FAM53A: variants seen among roughly 807,000 people sequenced by gnomAD.
The protein encoded by FAM53A is protein FAM53A.
A neutral mutation model predicts 26.6 loss-of-function variants in FAM53A; 28 were observed. The ratio of observed to expected loss-of-function variants is 1.05; its 90% CI spans 0.78 to 1.45. The LOEUF (loss-of-function observed/expected upper bound fraction) is 1.45, where lower values mean the gene tolerates loss of function less well. Among genes scored for constraint, FAM53A ranks in the 40% most tolerant of loss-of-function variants. The pLI, the probability that FAM53A is intolerant of heterozygous loss-of-function variation, is 0.00. For synonymous variants in FAM53A, 290 were observed against 253.1 expected (o/e 1.15, Z -1.38); for missense variants, 650 against 575.8 (o/e 1.13, Z -1.32).
At chr4:1,608,900 G>C in the FAM53A span, among the ~76,000 whole-genome samples, 1 of 152,144 alleles carries the variant, frequency 6.6e-6, no homozygotes, top group Non-Finnish European at 1.5e-5. Context: ...TTACGGGACG[G>C]AGGGCGCCAG....
intron 1 of FAM53A, among the ~76,000 whole-genome samples, chr4:1,681,523 C>CTTT (rs36047639): frequency 1.4e-5 from 2 of 139,346 alleles, no homozygotes; most frequent in South Asian, 2.4e-4. Flanking sequence ...AAACTCAAAT[C>CTTT]TTTTTTTTTT....
chr4:1,682,314 G>A lies in FAM53A; in HGVS notation c.-165+1919C>T, dbSNP rs551964269. On this transcript the variant is annotated intron_variant, in intron 1 of 4. Transcript: ENST00000308132. ...AGTCTGGCTCTGTCATCACGGTGGC[G>A]TGCAGTGGCGCCATCTTGGCTCACT... Among the ~76,000 whole-genome samples the A allele has an allele frequency of 1.0e-4, 15 of 143,376 alleles. No homozygotes were observed. The East Asian group carries it at 2.0e-3, about 19-fold the overall frequency. 94.1% of individuals were successfully genotyped at this position (143,376 alleles called of 152,430 possible). A position where few individuals can be genotyped will look rare whatever the true frequency, so the allele number is the denominator to read the frequency against.
Position 1,668,885 on chromosome 4 carries a change from C to T in FAM53A, c.-144G>A. On this transcript the variant is annotated 5_prime_UTR_variant, in exon 2 of 5. In the 5' UTR this introduces an upstream ATG that the reference lacks. Transcript: ENST00000308132. Reference sequence around the variant, plus strand: ...TTTACAGATGAGCAGTCCACGCCCACGGGCTCTTCAGGATTTGTGCCTGTT... The same window carrying T: ...TTTACAGATGAGCAGTCCACGCCCATGGGCTCTTCAGGATTTGTGCCTGTT... 10 of 644,620 alleles carry T rather than the reference C, an allele frequency of 1.6e-5. No homozygotes were observed. The highest frequency in any genetic ancestry group is 1.3e-4 in the South Asian group (6 of 47,240). 39.9% of individuals were successfully genotyped at this position (644,620 alleles called of 1,614,324 possible).
At chr4:1,590,392 G>A in the FAM53A span, among the ~76,000 whole-genome samples, 6 of 152,042 alleles carry the variant, frequency 3.9e-5, no homozygotes, top group South Asian at 2.1e-4. Flanking sequence ...AAGAAAGCCC[G>A]GGTGCTCCCT....
the FAM53A span, among the ~76,000 whole-genome samples, chr4:1,611,371 T>A: frequency 9.8e-4 from 149 of 152,242 alleles, no homozygotes; most frequent in African/African-American, 3.5e-3. Context: ...CCCCCCGTCC[T>A]CCTGGCCTGT....
At chr4:1,615,436 G>A (rs1482810081), downstream of FAM53A, among the ~76,000 whole-genome samples, 1 of 137,030 alleles carries the variant, frequency 7.3e-6, no homozygotes, top group Non-Finnish European at 1.5e-5. Context: ...ACAGGATGCG[G>A]CCACACCCAC....
chr4:1,634,219 C>T (rs754494679), intron 1 of FAM53A, among the ~76,000 whole-genome samples: 1 of 152,150 alleles, frequency 6.6e-6, no homozygotes, highest in Non-Finnish European at 1.5e-5. Context: ...TAAGCTGCTT[C>T]GTGCAAACAG....
chr4:1,657,880 C>T (rs868563719), intron 2 of FAM53A, among the ~76,000 whole-genome samples: 7 of 151,954 alleles, frequency 4.6e-5, no homozygotes, highest in Non-Finnish European at 8.8e-5. Flanking sequence ...ACCTCGTGAT[C>T]CGCCCGCCTC....
intron 1 of FAM53A, among the ~76,000 whole-genome samples, chr4:1,680,839 G>C (rs1560217962): frequency 6.6e-6 from 1 of 151,760 alleles, no homozygotes; most frequent in Non-Finnish European, 1.5e-5. Context: ...GGTAGAGAGA[G>C]GTGAGGCAGG....
In FAM53A at chr4:1,639,936, G is replaced by C. The variant is rs889444225; in HGVS notation, c.*1357C>G. 2.6e-5 allele frequency: 4 copies of C among 152,244 alleles called. No individual in the cohort carries two copies. Among genetic ancestry groups the C allele is most frequent in the African/African-American group, 4.8e-5 (2 of 41,468 alleles). The allele number at this position is 152,244 out of a possible 1,614,324, so 9.4% of individuals were successfully genotyped here. ...AAACCCCTACGATTTTATTAAAAGT[G>C]CAAGAATGAAAAACAGGAAATCCCT... On this transcript the variant is annotated 3_prime_UTR_variant, in exon 5 of 5. Coordinates refer to ENST00000308132, the MANE Select transcript of FAM53A (RefSeq NM_001174070.3).
chr4:1,651,243 A>C (rs1380318971), intron 4 of FAM53A, among the ~76,000 whole-genome samples: 4 of 140,752 alleles, frequency 2.8e-5, no homozygotes, highest in African/African-American at 1.1e-4. Context: ...AAAAAAAATT[A>C]AGAGAGGGCC....
At chr4:1,634,041 C>A (rs1715730209) in intron 1 of FAM53A, among the ~76,000 whole-genome samples, 1 of 152,046 alleles carries the variant, frequency 6.6e-6, no homozygotes, top group African/African-American at 2.4e-5. Flanking sequence ...AGGAGGGGCC[C>A]AGGGAGGGGC....
chr4:1,665,393 G>C (rs1008327122), intron 2 of FAM53A, among the ~76,000 whole-genome samples: 1 of 151,914 alleles, frequency 6.6e-6, no homozygotes, highest in Non-Finnish European at 1.5e-5. Context: ...GGAGGCTGAG[G>C]CGAGAGAATC....
the FAM53A span, among the ~76,000 whole-genome samples, chr4:1,593,160 C>A: frequency 2.6e-5 from 4 of 152,148 alleles, no homozygotes; most frequent in Non-Finnish European, 5.9e-5. Flanking sequence ...GGTCCTGGGT[C>A]GGGGGCCGGG....
At chr4:1,600,624 C>T in the FAM53A span, among the ~76,000 whole-genome samples, 127 of 152,362 alleles carry the variant, frequency 8.3e-4, 1 homozygote, top group African/African-American at 2.9e-3. Context: ...GCTTGCCTCC[C>T]CTCTGCCCTG....
At chr4:1,652,099 TAC>T (rs1712861801) in intron 4 of FAM53A, among the ~76,000 whole-genome samples, 1 of 57,150 alleles carries the variant, frequency 1.7e-5, no homozygotes, top group Non-Finnish European at 3.4e-5. Flanking sequence ...ACACATACCA[TAC>T]ACACCAGACA....
At chr4:1,684,378 C>CCCG (rs1326417108), upstream of FAM53A, 10 of 147,902 alleles carry the variant, frequency 6.8e-5, no homozygotes, top group South Asian at 1.8e-4. Context: ...CCGCCCGCGC[C>CCCG]CCGCCGCCGC....
In FAM53A at chr4:1,680,330, A is replaced by C. The variant is rs2592829; in HGVS notation, c.-165+3903T>G. Among the ~76,000 whole-genome samples the C allele has an allele frequency of 5.2e-3, 599 of 114,392 alleles. 4 individuals are homozygous for C. The highest frequency in any genetic ancestry group is 0.011 in the South Asian group (34 of 2,980). The allele number at this position is 114,392 out of a possible 152,430, so 75.0% of individuals were successfully genotyped here. ...GTGAAACTCCGTCTCAAAAAAAAAA[A>C]AAAAAAAAAAAAAAACACACCACTA... On this transcript the variant is annotated intron_variant, in intron 1 of 4. Transcript: ENST00000308132.
At position 1,659,232 on chromosome 4, in the gene FAM53A, G is replaced by A. The variant is rs1013983546; in HGVS notation, c.76-1764C>T. 6.6e-6 allele frequency among the ~76,000 whole-genome samples: 1 copy of A among 152,122 alleles called. No homozygotes were observed. The highest frequency in any genetic ancestry group is 2.4e-5 in the African/African-American group (1 of 41,424). ...CACGACCTCCAGGTTCTCCCACCCCGGGACCCGGGTCCGATGGAAGAGAGG... is the reference window on the plus strand; with the variant it reads ...CACGACCTCCAGGTTCTCCCACCCCAGGACCCGGGTCCGATGGAAGAGAGG... On this transcript the variant is annotated intron_variant, in intron 2 of 4. Coordinates refer to ENST00000308132, the MANE Select transcript of FAM53A (RefSeq NM_001174070.3). This position sits in a 1 kb window ranked among gnomAD's most constrained non-coding sequence, Gnocchi z 5.2.
Sources: gnomAD v4.1 joint callset for allele counts (sites outside exome capture counted in the v4.1 genomes callset) on GRCh38, gnomAD v4.1.1 for gene constraint, Gnocchi (gnomAD v3.1) non-coding constraint, MANE v1.5 for transcripts, NCBI Gene and HGNC (gene_info 2026-07-23, HGNC 2026-07-21) for gene names.